The following SLC9A9 variants were observed in gnomAD, a reference collection of about 807,000 sequenced individuals.
The protein encoded by SLC9A9 is solute carrier family 9 member A9.
SLC9A9 carries 62 observed loss-of-function variants against 77.8 expected under a neutral mutation model. That is an observed-to-expected ratio of 0.80 (90% CI 0.65 to 0.98). The LOEUF is 0.98. SLC9A9 is among the 50% of genes least tolerant of loss of function. SLC9A9 has a pLI of 0.00. For missense variants in SLC9A9, 775 were observed against 774.9 expected (o/e 1.00, Z 0.00); for synonymous variants, 320 against 283.5 (o/e 1.13, Z -1.29).
chr3:143,356,647 A>T (rs1559880949), intron 14 of SLC9A9, among the ~76,000 whole-genome samples: 2 of 152,072 alleles, frequency 1.3e-5, no homozygotes, highest in Non-Finnish European at 2.9e-5. Context: ...CAGCCTTCCT[A>T]GTTGGTAGGA....
At chr3:143,431,291 C>T (rs2034508360) in intron 12 of SLC9A9, among the ~76,000 whole-genome samples, 1 of 152,156 alleles carries the variant, frequency 6.6e-6, no homozygotes, top group Admixed American at 6.6e-5. Context: ...TCGTTTATGC[C>T]ACTATAGCAC....
At chr3:143,338,574 T>C (rs1441081939) in intron 14 of SLC9A9, among the ~76,000 whole-genome samples, 4 of 152,204 alleles carry the variant, frequency 2.6e-5, no homozygotes, top group African/African-American at 9.7e-5. Flanking sequence ...TAAAAGGCAT[T>C]CTTTAAAAAT....
chr3:143,412,486 CCTT>C (rs1327551786), intron 12 of SLC9A9, among the ~76,000 whole-genome samples: 1 of 152,160 alleles, frequency 6.6e-6, no homozygotes, highest in Non-Finnish European at 1.5e-5. Context: ...AGACCAGGCT[CCTT>C]CTCCGGTGTT....
intron 1 of SLC9A9, among the ~76,000 whole-genome samples, chr3:143,837,868 G>A (rs943095478): frequency 8.5e-5 from 13 of 152,178 alleles, no homozygotes; most frequent in African/African-American, 2.2e-4. Context: ...TAATGGGCCC[G>A]GTTAGGACAC....
chr3:143,611,420 G>GC (rs973393543), intron 6 of SLC9A9, among the ~76,000 whole-genome samples: 1 of 151,932 alleles, frequency 6.6e-6, no homozygotes, highest in African/African-American at 2.4e-5. Flanking sequence ...AAATTGAAGG[G>GC]CCCAAACATG....
At chr3:143,271,405 T>A (rs1937895659) in intron 14 of SLC9A9, among the ~76,000 whole-genome samples, 1 of 152,216 alleles carries the variant, frequency 6.6e-6, no homozygotes, top group African/African-American at 2.4e-5. Flanking sequence ...AGCCTCAGGC[T>A]TTGTTGTGAA....
intron 4 of SLC9A9, among the ~76,000 whole-genome samples, chr3:143,751,556 G>A (rs1385540089): frequency 6.6e-6 from 1 of 152,126 alleles, no homozygotes; most frequent in Non-Finnish European, 1.5e-5. Flanking sequence ...ACTCCTTGGG[G>A]TCAGCTGGGG....
At chr3:143,472,644 T>C (rs1198174668) in intron 11 of SLC9A9, among the ~76,000 whole-genome samples, 1 of 152,208 alleles carries the variant, frequency 6.6e-6, no homozygotes, top group East Asian at 1.9e-4. Context: ...TACCTTGCAA[T>C]TGGCCAGTTC....
chr3:143,348,506 T>C (rs949640058), intron 14 of SLC9A9, among the ~76,000 whole-genome samples: 6 of 152,180 alleles, frequency 3.9e-5, no homozygotes, highest in Non-Finnish European at 7.3e-5. Context: ...CCATGACAAG[T>C]GCACCATATT....
intron 4 of SLC9A9, among the ~76,000 whole-genome samples, chr3:143,721,531 T>C (rs1934498047): frequency 6.6e-6 from 1 of 151,972 alleles, no homozygotes. Flanking sequence ...GACGTGGTCA[T>C]CAAGAGTAAA....
intron 12 of SLC9A9, among the ~76,000 whole-genome samples, chr3:143,458,648 A>T (rs1461709129): frequency 6.6e-6 from 1 of 152,102 alleles, no homozygotes; most frequent in African/African-American, 2.4e-5. Context: ...AATTTTTTAC[A>T]ATACATTTTG....
intron 9 of SLC9A9, among the ~76,000 whole-genome samples, chr3:143,550,725 A>AT (rs1269616053): frequency 3.3e-5 from 5 of 152,190 alleles, no homozygotes; most frequent in African/African-American, 1.2e-4. Flanking sequence ...CAGGTATGTG[A>AT]TCAATAAATG....
At chr3:143,414,655 G>T (rs2034159140) in intron 12 of SLC9A9, among the ~76,000 whole-genome samples, 1 of 152,176 alleles carries the variant, frequency 6.6e-6, no homozygotes, top group South Asian at 2.1e-4. Flanking sequence ...AAATGTGTGT[G>T]TGTTCTGACT....
At chr3:143,663,091 G>C (rs939742930) in intron 5 of SLC9A9, among the ~76,000 whole-genome samples, 2 of 152,202 alleles carry the variant, frequency 1.3e-5, no homozygotes, top group African/African-American at 2.4e-5. Flanking sequence ...GAAGCTTCCA[G>C]AGGAAGGATC....
intron 9 of SLC9A9, among the ~76,000 whole-genome samples, chr3:143,514,888 C>G (rs1479241770): frequency 2.6e-5 from 4 of 152,138 alleles, no homozygotes; most frequent in African/African-American, 9.7e-5. Flanking sequence ...ACTGGAGTAG[C>G]ATTTTAAATT....
intron 5 of SLC9A9, among the ~76,000 whole-genome samples, chr3:143,664,512 C>T (rs896403146): frequency 3.3e-5 from 5 of 152,136 alleles, no homozygotes; most frequent in Admixed American, 1.3e-4. Flanking sequence ...GCTAAATGCT[C>T]CAATTAAAAG....
At chr3:143,802,238 A>C (rs989773567) in intron 2 of SLC9A9, among the ~76,000 whole-genome samples, 4 of 152,082 alleles carry the variant, frequency 2.6e-5, no homozygotes, top group African/African-American at 9.7e-5. Context: ...TTGTGTCATC[A>C]TTTCATAACC....
chr3:143,525,790 T>C (rs1223866127), intron 9 of SLC9A9, among the ~76,000 whole-genome samples: 3 of 152,040 alleles, frequency 2.0e-5, no homozygotes, highest in African/African-American at 7.2e-5. Context: ...GAAAAGTAAA[T>C]GATATCTAGT....
At chr3:143,621,099 G>A (rs1442226431) in intron 6 of SLC9A9, among the ~76,000 whole-genome samples, 4 of 152,184 alleles carry the variant, frequency 2.6e-5, no homozygotes, top group African/African-American at 9.7e-5. Context: ...GGCTTGAGTA[G>A]GTAAACAAAG....
Sources: allele counts gnomAD v4.1 joint callset (sites outside exome capture counted in the v4.1 genomes callset), GRCh38; gene constraint gnomAD v4.1.1; transcripts MANE v1.5; gene names NCBI Gene and HGNC (gene_info 2026-07-23, HGNC 2026-07-21).